DPP10: variants seen among roughly 807,000 people sequenced by gnomAD.
DPP10 encodes inactive dipeptidyl peptidase 10.
Under a neutral mutation model 120.9 loss-of-function variants are expected in DPP10, and 33 were observed. That is an observed-to-expected ratio of 0.27 (90% CI 0.21 to 0.37). DPP10 has a LOEUF of 0.37. DPP10 is among the 10% of genes least tolerant of loss of function. DPP10 has a pLI of 1.00. For missense variants in DPP10, 816 were observed against 942.8 expected (o/e 0.87, Z 1.76); for synonymous variants, 337 against 326.1 (o/e 1.03, Z -0.36).
chr2:115,487,221 A>G (rs1377668332), intron 3 of DPP10, among the ~76,000 whole-genome samples: 3 of 139,752 alleles, frequency 2.1e-5, no homozygotes, highest in Non-Finnish European at 4.6e-5. Context: ...GCTCAAGGAA[A>G]TAAAAGAGGA....
chr2:114,717,790 G>C lies in DPP10; in HGVS notation c.60+274952G>C, dbSNP rs1194061700. 3.3e-5 allele frequency among the ~76,000 whole-genome samples: 5 copies of C among 152,238 alleles called. No individual in the cohort carries two copies. In the East Asian group the frequency reaches 9.7e-4, roughly 29 times the overall value. On this transcript the variant is annotated intron_variant, in intron 1 of 25. Transcript: ENST00000410059. ...TAGTAATTTAGGATTAGAGAAAACAGTACTTGATGATAAAGCTGGAACTAG... is the reference window on the plus strand; with the variant it reads ...TAGTAATTTAGGATTAGAGAAAACACTACTTGATGATAAAGCTGGAACTAG...
chr2:114,845,483 CCAATCAGTAATACAACCCAATG>C (rs1186058279), intron 1 of DPP10, among the ~76,000 whole-genome samples: 3 of 152,102 alleles, frequency 2.0e-5, no homozygotes, highest in Non-Finnish European at 4.4e-5. Flanking sequence ...TACCCTCTCG[CCAATCAGTAATACAACCCAATG>C]CATACAGAAC....
chr2:115,723,587 G>A (rs1241860269), intron 7 of DPP10, among the ~76,000 whole-genome samples: 1 of 147,336 alleles, frequency 6.8e-6, no homozygotes, highest in East Asian at 2.0e-4. Flanking sequence ...CTCTCTGCAG[G>A]TTGGTGTATT....
chr2:115,081,321 C>A (rs1708256934), intron 1 of DPP10, among the ~76,000 whole-genome samples: 1 of 152,138 alleles, frequency 6.6e-6, no homozygotes, highest in African/African-American at 2.4e-5. Context: ...CATCATGGGT[C>A]TTTTAAAATT....
chr2:115,506,694 C>T (rs546289989), intron 4 of DPP10, among the ~76,000 whole-genome samples: 2 of 152,026 alleles, frequency 1.3e-5, no homozygotes, highest in South Asian at 2.1e-4. Context: ...TCACATAATA[C>T]AGATAGAATA....
chr2:115,620,361 A>C (rs2084853067), intron 5 of DPP10, among the ~76,000 whole-genome samples: 1 of 152,252 alleles, frequency 6.6e-6, no homozygotes, highest in Admixed American at 6.5e-5. Context: ...GTCATCTTCT[A>C]GTTTCCTCAC....
At chr2:114,689,083 G>T (rs1297021890) in intron 1 of DPP10, among the ~76,000 whole-genome samples, 5 of 151,046 alleles carry the variant, frequency 3.3e-5, no homozygotes, top group Admixed American at 3.3e-4. Context: ...TTCTTCAACT[G>T]TTATTTTAAG....
chr2:114,720,684 G>A (rs181079169), intron 1 of DPP10, among the ~76,000 whole-genome samples: 5 of 152,308 alleles, frequency 3.3e-5, no homozygotes, highest in Admixed American at 6.5e-5. Flanking sequence ...CACTTCTGTA[G>A]TAGAAATGAC....
At chr2:114,532,031 C>A in intron 1 of DPP10, among the ~76,000 whole-genome samples, 1 of 151,590 alleles carries the variant, frequency 6.6e-6, no homozygotes, top group East Asian at 1.9e-4. Flanking sequence ...ATTTGCTTTC[C>A]GTTTGAAACA....
intron 1 of DPP10, among the ~76,000 whole-genome samples, chr2:115,111,599 C>T (rs903968526): frequency 6.6e-6 from 1 of 152,090 alleles, no homozygotes; most frequent in Non-Finnish European, 1.5e-5. Flanking sequence ...AGGTGACTCT[C>T]GTCAACCAGG....
chr2:114,830,663 T>G (rs570414311), intron 1 of DPP10, among the ~76,000 whole-genome samples: 1 of 152,188 alleles, frequency 6.6e-6, no homozygotes, highest in Non-Finnish European at 1.5e-5. Flanking sequence ...TTATTTTTTT[T>G]AAAACCACTT....
intron 21 of DPP10, among the ~76,000 whole-genome samples, chr2:115,819,658 G>A (rs1687608895): frequency 6.6e-6 from 1 of 151,916 alleles, no homozygotes; most frequent in Non-Finnish European, 1.5e-5. Flanking sequence ...CAATTATTAA[G>A]TTGAATGTCT....
chr2:115,226,472 A>T (rs2057438933), intron 1 of DPP10, among the ~76,000 whole-genome samples: 1 of 152,158 alleles, frequency 6.6e-6, no homozygotes, highest in African/African-American at 2.4e-5. Flanking sequence ...CATGAAATTC[A>T]TTTGAGACAT....
At chr2:114,983,157 G>C (rs1700191368) in intron 1 of DPP10, among the ~76,000 whole-genome samples, 1 of 152,142 alleles carries the variant, frequency 6.6e-6, no homozygotes. Context: ...GATATGAAGA[G>C]AATGCCCACA....
intron 2 of DPP10, among the ~76,000 whole-genome samples, chr2:115,333,809 G>T (rs1189334608): frequency 6.6e-6 from 1 of 152,026 alleles, no homozygotes. Flanking sequence ...AGTCTGATGG[G>T]CTTCCCTTTG....
chr2:115,548,120 A>G (rs759305496), intron 5 of DPP10, among the ~76,000 whole-genome samples: 11 of 152,212 alleles, frequency 7.2e-5, no homozygotes, highest in Non-Finnish European at 1.3e-4. Context: ...AAAGCCGTAT[A>G]GAAAATGTGG....
chr2:115,252,749 T>C (rs2058808600), intron 1 of DPP10, among the ~76,000 whole-genome samples: 1 of 152,220 alleles, frequency 6.6e-6, no homozygotes, highest in South Asian at 2.1e-4. Context: ...TTTGCTTAAA[T>C]TCTTCAAATC....
intron 1 of DPP10, among the ~76,000 whole-genome samples, chr2:114,794,575 T>C (rs998729430): frequency 6.6e-6 from 1 of 152,200 alleles, no homozygotes; most frequent in African/African-American, 2.4e-5. Context: ...CAAAATGATT[T>C]GGGAAAGTTT....
intron 1 of DPP10, among the ~76,000 whole-genome samples, chr2:115,159,089 A>G (rs919798918): frequency 2.0e-5 from 3 of 152,178 alleles, no homozygotes; most frequent in African/African-American, 7.2e-5. Context: ...TAACATCAAC[A>G]TATCATCACA....
Sources: allele counts gnomAD v4.1 joint callset (sites outside exome capture counted in the v4.1 genomes callset), GRCh38; gene constraint gnomAD v4.1.1; transcripts MANE v1.5; gene names NCBI Gene and HGNC (gene_info 2026-07-23, HGNC 2026-07-21).